BAZ1A: variants seen among roughly 807,000 people sequenced by gnomAD.
BAZ1A encodes the protein bromodomain adjacent to zinc finger domain 1A.
Under a neutral mutation model 185.2 loss-of-function variants are expected in BAZ1A, and 50 were observed. That is an observed-to-expected ratio of 0.27 (90% CI 0.22 to 0.34). The LOEUF (loss-of-function observed/expected upper bound fraction) is 0.34. BAZ1A is among the 10% of genes least tolerant of loss of function. The pLI, the probability that BAZ1A is intolerant of heterozygous loss-of-function variation, is 1.00. For missense variants in BAZ1A, 1,356 were observed against 1,839.9 expected, an observed-to-expected ratio of 0.74 and a Z score of 4.81; for synonymous variants, 571 against 615.6, an observed-to-expected ratio of 0.93 and a Z score of 1.07.
At chr14:34,860,656 C>T (rs564843208) in intron 3 of BAZ1A, among the ~76,000 whole-genome samples, 358 of 152,012 alleles carry the variant, frequency 2.4e-3, no homozygotes, top group African/African-American at 5.7e-3. Flanking sequence ...CCTGTAATCC[C>T]AGCACTTTGA....
chr14:34,788,042 G>A (rs1880597210), intron 12 of BAZ1A, among the ~76,000 whole-genome samples: 1 of 149,792 alleles, frequency 6.7e-6, no homozygotes, highest in African/African-American at 2.5e-5. Context: ...TTTTGAAGAT[G>A]GAGTCTCACT....
chr14:34,838,685 C>T lies in BAZ1A; in HGVS notation c.393-12529G>A, dbSNP rs543936944. ...AATTACAGGCGTCCACCTCCACGCC[C>T]GGCTAATTTTTGTATTTTTAGTAGA... is the stretch of plus-strand genomic sequence containing the variant. On this transcript the variant is annotated intron_variant, in intron 3 of 26. Transcript: ENST00000360310. 6.6e-5 allele frequency among the ~76,000 whole-genome samples: 10 copies of T among 152,012 alleles called. No individual in the cohort carries two copies. The South Asian group carries it at 8.3e-4, about 13-fold the overall frequency.
chr14:34,868,800 CA>C (rs905782370), intron 2 of BAZ1A, among the ~76,000 whole-genome samples: 39 of 144,916 alleles, frequency 2.7e-4, no homozygotes, highest in African/African-American at 9.7e-4. Context: ...GACTCCGTCT[CA>C]AAAAAAAACA....
At position 34,764,948 on chromosome 14, in the gene BAZ1A, T is replaced by A; in HGVS notation, c.3550-15A>T. On this transcript the variant is annotated splice_polypyrimidine_tract_variant and intron_variant, in intron 22 of 26. Transcript: ENST00000360310. Reference sequence around the variant, plus strand: ...TCAGGCACAGTCTGAAAAAATCACATAAATGATCATTAATCATCTATTGCT... The same window carrying A: ...TCAGGCACAGTCTGAAAAAATCACAAAAATGATCATTAATCATCTATTGCT... 6.2e-7 allele frequency: 1 copy of A among 1,613,922 alleles called. No individual in the cohort carries two copies. The highest frequency in any genetic ancestry group is 8.5e-7 in the Non-Finnish European group (1 of 1,179,962).
intron 3 of BAZ1A, among the ~76,000 whole-genome samples, chr14:34,840,378 T>C (rs2042394112): frequency 6.6e-6 from 1 of 152,050 alleles, no homozygotes; most frequent in East Asian, 1.9e-4. Flanking sequence ...CAAATCAAAG[T>C]CAGGTGATTT....
chr14:34,768,643 C>G (rs572935873), intron 21 of BAZ1A: 30 of 355,288 alleles, frequency 8.4e-5, no homozygotes, highest in Non-Finnish European at 1.4e-4. Flanking sequence ...TAAAATCATT[C>G]TTTAAAAAGA....
chr14:34,831,684 T>C (rs562057692), intron 3 of BAZ1A, among the ~76,000 whole-genome samples: 1 of 152,186 alleles, frequency 6.6e-6, no homozygotes, highest in Non-Finnish European at 1.5e-5. Flanking sequence ...GTATACTATA[T>C]GGGTCAACCC....
chr14:34,782,947 T>A (rs1210237601), intron 16 of BAZ1A, among the ~76,000 whole-genome samples, 172 bp downstream of exon 16: 1 of 152,214 alleles, frequency 6.6e-6, no homozygotes, highest in African/African-American at 2.4e-5. Flanking sequence ...AGGGGACAGA[T>A]AAATATATTG....
intron 3 of BAZ1A, among the ~76,000 whole-genome samples, chr14:34,832,245 T>TATATATATATATATATGTA (rs1160657642): frequency 6.8e-6 from 1 of 146,076 alleles, no homozygotes; most frequent in Non-Finnish European, 1.5e-5. Flanking sequence ...TGTATGTATA[T>TATATATATATATATATGTA]TTCCTAACAA....
At chr14:34,800,160 A>G in intron 9 of BAZ1A, 64 bp downstream of exon 9, 1 of 1,207,730 alleles carries the variant, frequency 8.3e-7, no homozygotes, top group Non-Finnish European at 1.1e-6. Context: ...TCAACCATGG[A>G]TGTAGATATG....
intron 3 of BAZ1A, among the ~76,000 whole-genome samples, chr14:34,852,988 T>C (rs1316643748): frequency 1.3e-5 from 2 of 152,210 alleles, no homozygotes; most frequent in East Asian, 3.9e-4. Flanking sequence ...CACTGCTCTA[T>C]TTCCAGCATC....
At chr14:34,775,883 G>GA in intron 18 of BAZ1A, 36 bp downstream of exon 18, 3 of 1,517,584 alleles carry the variant, frequency 2.0e-6, no homozygotes, top group East Asian at 4.5e-5. Context: ...TAGGGGGAGG[G>GA]AAAAAAAGTA....
chr14:34,842,303 C>G (rs1489731025), intron 3 of BAZ1A, among the ~76,000 whole-genome samples: 1 of 152,170 alleles, frequency 6.6e-6, no homozygotes, highest in Non-Finnish European at 1.5e-5. Flanking sequence ...ATTTGTTTCC[C>G]CCATACTTGC....
intron 6 of BAZ1A, among the ~76,000 whole-genome samples, chr14:34,803,822 G>A (rs1224095318): frequency 6.6e-6 from 1 of 152,010 alleles, no homozygotes; most frequent in African/African-American, 2.4e-5. Context: ...CATCCCTCTA[G>A]TCTTGATAAA....
chr14:34,762,625 TGCCTG>T (rs995442706), intron 23 of BAZ1A, among the ~76,000 whole-genome samples: 2 of 152,052 alleles, frequency 1.3e-5, no homozygotes, highest in Admixed American at 1.3e-4. Flanking sequence ...TGTACCACCA[TGCCTG>T]GCTAATTTTT....
rs1555336081 is a variant in BAZ1A, at chr14:34,753,174, T to A, written c.*334A>T. 6 of 220,992 alleles carry A rather than the reference T, an allele frequency of 2.7e-5. No homozygotes were observed. The highest frequency in any genetic ancestry group is 1.0e-4 in the East Asian group (1 of 9,540). 13.7% of individuals were successfully genotyped at this position (220,992 alleles called of 1,614,324 possible). ...TAACTCTCCCTTAATACCACCACTT[T>A]AAAAAAAAATCATCAATAACAAAAT... is the stretch of plus-strand genomic sequence containing the variant. On this transcript the variant is annotated 3_prime_UTR_variant, in exon 27 of 27. Coordinates refer to ENST00000360310, the MANE Select transcript of BAZ1A (RefSeq NM_013448.3).
chr14:34,839,607 G>A (rs2042381515), intron 3 of BAZ1A, among the ~76,000 whole-genome samples: 1 of 150,822 alleles, frequency 6.6e-6, no homozygotes, highest in Admixed American at 6.6e-5. Flanking sequence ...ACTTTGGGAG[G>A]CCAAGGTGGG....
chr14:34,835,881 G>A (rs559994634), intron 3 of BAZ1A, among the ~76,000 whole-genome samples: 1 of 151,534 alleles, frequency 6.6e-6, no homozygotes, highest in South Asian at 2.1e-4. Context: ...ATGTTGGTCA[G>A]GCTAGTCTTG....
At chr14:34,759,185 T>C (rs892752565) in intron 24 of BAZ1A, among the ~76,000 whole-genome samples, 4 of 116,862 alleles carry the variant, frequency 3.4e-5, no homozygotes, top group African/African-American at 1.4e-4. Flanking sequence ...TTTTTTTTTT[T>C]TTTTTTTTTT....
Sources: allele counts gnomAD v4.1 joint callset (sites outside exome capture counted in the v4.1 genomes callset), GRCh38; gene constraint gnomAD v4.1.1; transcripts MANE v1.5; gene names NCBI Gene and HGNC (gene_info 2026-07-23, HGNC 2026-07-21).